Variants in TMEM200A observed in about 807,000 individuals in gnomAD.
The protein encoded by TMEM200A is two transmembrane C.
A neutral mutation model predicts 24.3 loss-of-function variants in TMEM200A; 12 were observed. The ratio of observed to expected loss-of-function variants is 0.49; its 90% CI spans 0.32 to 0.80. TMEM200A has a LOEUF of 0.80. TMEM200A is among the 30% of genes least tolerant of loss of function. The probability of loss-of-function intolerance (pLI) is 0.04; values close to 1 mark genes in which losing one functional copy is unlikely to be tolerated. For missense variants in TMEM200A, 545 were observed against 614.4 expected, an observed-to-expected ratio of 0.89 and a Z score of 1.19; for synonymous variants, 224 against 224.4, an observed-to-expected ratio of 1.00 and a Z score of 0.02.
At chr6:130,402,193 TA>T (rs1474467648) in intron 2 of TMEM200A, among the ~76,000 whole-genome samples, 3 of 151,936 alleles carry the variant, frequency 2.0e-5, no homozygotes, top group Non-Finnish European at 2.9e-5. Context: ...ATAGTTCATA[TA>T]ATAAACAAAC....
chr6:130,427,313 C>T (rs185416855), intron 2 of TMEM200A, among the ~76,000 whole-genome samples: 1 of 152,274 alleles, frequency 6.6e-6, no homozygotes, highest in African/African-American at 2.4e-5. Context: ...AGAATTCTAA[C>T]TATTTCTGCT....
At chr6:130,426,323 A>G (rs1387480058) in intron 2 of TMEM200A, among the ~76,000 whole-genome samples, 1 of 152,164 alleles carries the variant, frequency 6.6e-6, no homozygotes, top group East Asian at 1.9e-4. Flanking sequence ...CACGCAAAAG[A>G]TGAAACAGGA....
At chr6:130,439,762 A>T (rs1386010208) in intron 2 of TMEM200A, among the ~76,000 whole-genome samples, 1 of 152,126 alleles carries the variant, frequency 6.6e-6, no homozygotes, top group Non-Finnish European at 1.5e-5. Context: ...ATCATAAAAG[A>T]CTGGGGAAGA....
Position 130,440,430 on chromosome 6 carries a change from C to T in TMEM200A, c.8C>T (p.Ala3Val). The T allele has an allele frequency of 6.4e-7, 1 of 1,554,634 alleles. No individual in the cohort carries two copies. The highest frequency in any genetic ancestry group is 8.7e-7 in the Non-Finnish European group (1 of 1,153,066). Residue 3 changes from alanine (A) to valine (V), a missense_variant, in exon 3 of 3, where the codon GCA (alanine) becomes GTA (valine). Transcript: ENST00000296978. ...AGAGTAAAAGGCCAAGCTATGATAG[C>T]AACTGGTGGAGTGATAACTGGCCTG... is the stretch of plus-strand genomic sequence containing the variant. The part of the protein sequence containing the change: MI[A>V]TGGVITGLAA...
intron 2 of TMEM200A, among the ~76,000 whole-genome samples, chr6:130,409,124 C>A (rs551874201): frequency 6.6e-6 from 1 of 152,250 alleles, no homozygotes; most frequent in South Asian, 2.1e-4. Flanking sequence ...TTCGTTGCTT[C>A]CAAGGCTTCA....
chr6:130,430,120 A>G (rs73626756), intron 2 of TMEM200A, among the ~76,000 whole-genome samples: 2,667 of 152,274 alleles, frequency 0.018, 77 homozygotes, highest in African/African-American at 0.057. Context: ...AAACTTATTT[A>G]TCACAGTTCT....
rs989644087 is a variant in TMEM200A, at chr6:130,442,110, C to T, written c.*212C>T. The stretch of plus-strand genomic sequence containing the variant: ...TTACCACACATGATTTTATTTTTCT[C>T]TTCCTTTGAAAGCATGATCTCTTTT... On this transcript the variant is annotated 3_prime_UTR_variant, in exon 3 of 3. Coordinates refer to ENST00000296978, the MANE Select transcript of TMEM200A (RefSeq NM_001258277.2). 2.4e-6 allele frequency: 1 copy of T among 425,298 alleles called. No individual in the cohort carries two copies. Among genetic ancestry groups the T allele is most frequent in the Non-Finnish European group, 4.3e-6 (1 of 233,800 alleles). 26.3% of individuals were successfully genotyped at this position (425,298 alleles called of 1,614,324 possible). A position where few individuals can be genotyped will look rare whatever the true frequency, so the allele number is the denominator to read the frequency against.
intron 1 of TMEM200A, among the ~76,000 whole-genome samples, chr6:130,371,205 A>G (rs932666133): frequency 2.0e-5 from 3 of 152,170 alleles, no homozygotes; most frequent in Non-Finnish European, 4.4e-5. Context: ...TAGATAGGTT[A>G]ATAGCAAATA....
At position 130,441,241 on chromosome 6, in the gene TMEM200A, G is replaced by A. The variant is rs1356864966; in HGVS notation, c.819G>A (p.Lys273=). 6.2e-7 allele frequency: 1 copy of A among 1,614,000 alleles called. No homozygotes were observed. Among genetic ancestry groups the A allele is most frequent in the Non-Finnish European group, 8.5e-7 (1 of 1,180,012 alleles). ...CTGATGATAAGACCAGCGGCTCTAA[G>A]AAATGTGAAACCAAGTCAATTGTGT... ...KTTDDKTSGS[K]KCETKSIVSS... The change falls in exon 3 of 3, where the codon AAG becomes AAA. Residue 273 remains lysine, a synonymous_variant. Coordinates refer to ENST00000296978, the MANE Select transcript of TMEM200A (RefSeq NM_001258277.2).
chr6:130,372,654 T>A (rs1245041506), intron 1 of TMEM200A, among the ~76,000 whole-genome samples: 1 of 152,206 alleles, frequency 6.6e-6, no homozygotes, highest in Admixed American at 6.5e-5. Context: ...GAGGATGCTC[T>A]AAATAAAATG....
chr6:130,402,253 T>A (rs1441534338), intron 2 of TMEM200A, among the ~76,000 whole-genome samples: 2 of 152,020 alleles, frequency 1.3e-5, no homozygotes, highest in Non-Finnish European at 2.9e-5. Context: ...GTGAAAACTT[T>A]AAAGTGAAAC....
Position 130,440,898 on chromosome 6 carries a change from A to G in TMEM200A, c.476A>G (p.His159Arg), listed in dbSNP as rs376673544. ...ENRDKETKII[H>R]MRDIYSTVID... ...CGTGACAAAGAGACCAAAATCATAC[A>G]CATGAGGGATATCTATTCCACAGTC... The change falls in exon 3 of 3, where the codon CAC becomes CGC. Residue 159 changes from histidine to arginine, a missense_variant. By Grantham distance (29) the His-to-Arg change is conservative. Coordinates refer to ENST00000296978, the MANE Select transcript of TMEM200A (RefSeq NM_001258277.2). 4 of 1,614,084 alleles carry G rather than the reference A, an allele frequency of 2.5e-6. No individual in the cohort carries two copies. The highest frequency in any genetic ancestry group is 3.4e-6 in the Non-Finnish European group (4 of 1,180,000).
intron 2 of TMEM200A, among the ~76,000 whole-genome samples, chr6:130,420,704 C>T (rs761536081): frequency 6.6e-6 from 1 of 152,118 alleles, no homozygotes; most frequent in African/African-American, 2.4e-5. Context: ...TAGCTCCCAG[C>T]AATGTCTTCA....
chr6:130,440,577 G>A lies in TMEM200A; in HGVS notation c.155G>A (p.Arg52His), dbSNP rs776015783. ...CCCCGGGCAGATGTTGTGGTTGTTC[G>A]TGGCAAAATCCGGCTTTATTCCCCA... ...RRPRADVVVV[R>H]GKIRLYSPSG... Residue 52 changes from arginine (R) to histidine (H), a missense_variant, in exon 3 of 3, where the codon CGT (arginine) becomes CAT (histidine). Transcript: ENST00000296978. 2.8e-5 allele frequency: 45 copies of A among 1,613,914 alleles called. No homozygotes were observed. The highest frequency in any genetic ancestry group is 4.5e-5 in the East Asian group (2 of 44,870).
At chr6:130,437,036 C>CAA (rs967805059) in intron 2 of TMEM200A, 4 of 152,146 alleles carry the variant, frequency 2.6e-5, no homozygotes, top group African/African-American at 9.7e-5. Flanking sequence ...CTTTCATCTA[C>CAA]AAGTTCAGAT....
intron 2 of TMEM200A, among the ~76,000 whole-genome samples, chr6:130,393,593 C>T (rs915569926): frequency 6.6e-6 from 1 of 152,078 alleles, no homozygotes; most frequent in Non-Finnish European, 1.5e-5. Context: ...TTGCTTCAGC[C>T]GCCAATGGTG....
chr6:130,421,501 C>T (rs1779587347), intron 2 of TMEM200A: 1 of 126,350 alleles, frequency 7.9e-6, no homozygotes, highest in Admixed American at 8.3e-5. Flanking sequence ...CATTCCTTCA[C>T]AGTTACCTTT....
At chr6:130,436,315 CTGT>C (rs1176311366) in intron 2 of TMEM200A, among the ~76,000 whole-genome samples, 1 of 151,874 alleles carries the variant, frequency 6.6e-6, no homozygotes, top group Admixed American at 6.6e-5. Context: ...GCAGTATGGG[CTGT>C]TATTACTATT....
chr6:130,369,633 C>T (rs1046879953), intron 1 of TMEM200A, among the ~76,000 whole-genome samples: 1 of 152,164 alleles, frequency 6.6e-6, no homozygotes, highest in Non-Finnish European at 1.5e-5. Context: ...TGATATGACT[C>T]TTCCAAGAGC....
Sources: allele counts gnomAD v4.1 joint callset (sites outside exome capture counted in the v4.1 genomes callset), GRCh38; gene constraint gnomAD v4.1.1; transcripts MANE v1.5; gene names NCBI Gene and HGNC (gene_info 2026-07-23, HGNC 2026-07-21).